Variants in ZNF362 observed in about 807,000 individuals in gnomAD.
ZNF362 encodes rotund homolog.
Under a neutral mutation model 42.9 loss-of-function variants are expected in ZNF362, and 11 were observed. The observed-to-expected ratio is 0.26, with a 90% CI of 0.16 to 0.42. The LOEUF (loss-of-function observed/expected upper bound fraction) is 0.42. Ranked by LOEUF, ZNF362 falls within the 20% of genes least tolerant of loss-of-function variation. ZNF362 has a pLI of 1.00. For synonymous variants in ZNF362, 255 were observed against 257.3 expected (o/e 0.99, Z 0.09); for missense variants, 362 against 576.2 (o/e 0.63, Z 3.81).
the ZNF362 span, among the ~76,000 whole-genome samples, chr1:33,156,590 G>T: frequency 2.6e-4 from 40 of 152,084 alleles, no homozygotes; most frequent in African/African-American, 9.7e-4. Context: ...GGAGTGTTCC[G>T]GGGCTCCTGA....
the ZNF362 span, among the ~76,000 whole-genome samples, chr1:33,241,682 T>C: frequency 6.6e-6 from 1 of 152,024 alleles, no homozygotes; most frequent in Admixed American, 6.6e-5. Context: ...GAAAAAACGA[T>C]CAAATCTCAA....
At chr1:33,136,685 G>C in the ZNF362 span, among the ~76,000 whole-genome samples, 1 of 151,532 alleles carries the variant, frequency 6.6e-6, no homozygotes, top group Non-Finnish European at 1.5e-5. Flanking sequence ...GGCTGTTTCC[G>C]GTTCCCCAAC....
the ZNF362 span, among the ~76,000 whole-genome samples, chr1:33,152,260 A>G: frequency 6.6e-6 from 1 of 152,158 alleles, no homozygotes; most frequent in Non-Finnish European, 1.5e-5. Context: ...TGGCCCCAGA[A>G]AGCCTGTTCA....
chr1:33,278,728 C>T lies in ZNF362; in HGVS notation c.350-1396C>T, dbSNP rs1158981173. Among the ~76,000 whole-genome samples, 8 of 152,150 alleles carry T rather than the reference C, an allele frequency of 5.3e-5. No homozygotes were observed. The East Asian group carries it at 1.5e-3, about 29-fold the overall frequency. On this transcript the variant is annotated intron_variant, in intron 4 of 8. Transcript: ENST00000539719. ...AGTGTGTGTTCTTTAAAATAGATGG[C>T]CTCGTATGTCTGTGATTTGCTTTTT...
chr1:33,208,050 G>A, the ZNF362 span, among the ~76,000 whole-genome samples: 10 of 152,148 alleles, frequency 6.6e-5, no homozygotes, highest in African/African-American at 2.4e-4. Flanking sequence ...GTATTGCCTA[G>A]GTTTTCTTCT....
Position 33,295,026 on chromosome 1 carries a change from G to GC in ZNF362, c.987+13dup. Reference sequence around the variant, plus strand: ...CTCTCCAACCTCCAGGTGAGTGCCTGCCTGCCTCCTGCCCACCAGGTGCTC... The same window carrying GC: ...CTCTCCAACCTCCAGGTGAGTGCCTGCCCTGCCTCCTGCCCACCAGGTGCTC... On this transcript the variant is annotated intron_variant, in intron 7 of 8. Coordinates refer to ENST00000539719, the MANE Select transcript of ZNF362 (RefSeq NM_152493.3). 1 of 1,614,044 alleles carries GC rather than the reference G, an allele frequency of 6.2e-7. No individual in the cohort carries two copies. Among genetic ancestry groups the GC allele is most frequent in the Non-Finnish European group, 8.5e-7 (1 of 1,179,944 alleles).
chr1:33,170,108 T>G, the ZNF362 span, among the ~76,000 whole-genome samples: 1 of 152,118 alleles, frequency 6.6e-6, no homozygotes, highest in Admixed American at 6.6e-5. Context: ...GACCTTTGGA[T>G]CACCTAAGGT....
At chr1:33,285,164 A>C (rs1646022786) in intron 6 of ZNF362, among the ~76,000 whole-genome samples, 1 of 152,222 alleles carries the variant, frequency 6.6e-6, no homozygotes, top group African/African-American at 2.4e-5. Flanking sequence ...CTGTAATCCC[A>C]ACACTTTGGG....
chr1:33,166,219 C>T, the ZNF362 span: 1 of 152,294 alleles, frequency 6.6e-6, no homozygotes, highest in Non-Finnish European at 1.5e-5. Flanking sequence ...CCCACTGATC[C>T]TACATCATGT....
intron 8 of ZNF362, among the ~76,000 whole-genome samples, chr1:33,296,440 G>A (rs1048070760): frequency 3.3e-5 from 5 of 152,150 alleles, no homozygotes; most frequent in Non-Finnish European, 7.4e-5. Context: ...TTTTGTCCCT[G>A]CCACTCCTGG....
the ZNF362 span, among the ~76,000 whole-genome samples, chr1:33,189,667 A>ATATATATATATG: frequency 3.1e-5 from 1 of 32,216 alleles, no homozygotes; most frequent in Admixed American, 4.2e-4. Flanking sequence ...ATATATATAT[A>ATATATATATATG]TATATGTATA....
At chr1:33,191,910 G>C in the ZNF362 span, among the ~76,000 whole-genome samples, 470 of 152,304 alleles carry the variant, frequency 3.1e-3, no homozygotes, top group African/African-American at 0.011. Flanking sequence ...ATCTTGAAGA[G>C]GGCAAGTATC....
the ZNF362 span, among the ~76,000 whole-genome samples, chr1:33,192,857 G>A: frequency 1.3e-5 from 2 of 151,848 alleles, no homozygotes; most frequent in Non-Finnish European, 2.9e-5. Flanking sequence ...AAGTGTATTC[G>A]GGAGTCTTCT....
At chr1:33,251,406 A>C in the ZNF362 span, among the ~76,000 whole-genome samples, 1 of 152,170 alleles carries the variant, frequency 6.6e-6, no homozygotes, top group Non-Finnish European at 1.5e-5. Context: ...GCCAAGGTCC[A>C]AACCATTGCC....
chr1:33,246,639 G>T, the ZNF362 span, among the ~76,000 whole-genome samples: 5 of 152,202 alleles, frequency 3.3e-5, no homozygotes, highest in Non-Finnish European at 7.3e-5. Context: ...CTATTTCTCT[G>T]TTCCTGGTGA....
At chr1:33,145,854 T>G in the ZNF362 span, 1 of 471,068 alleles carries the variant, frequency 2.1e-6, no homozygotes, top group Middle Eastern at 3.2e-4. Context: ...CACCCTAACT[T>G]CCTTCTAGGG....
chr1:33,296,077 G>C (rs932230155), intron 8 of ZNF362, among the ~76,000 whole-genome samples: 1 of 152,218 alleles, frequency 6.6e-6, no homozygotes, highest in Admixed American at 6.5e-5. Flanking sequence ...GGGAAATTAA[G>C]AACTGTTGGA....
chr1:33,290,027 A>T (rs1026160770), intron 6 of ZNF362, among the ~76,000 whole-genome samples: 3 of 152,050 alleles, frequency 2.0e-5, no homozygotes, highest in African/African-American at 7.2e-5. Context: ...TGGATAAAGG[A>T]TTGGAGGTGG....
the ZNF362 span, among the ~76,000 whole-genome samples, chr1:33,238,171 T>C: frequency 6.6e-6 from 1 of 151,392 alleles, no homozygotes; most frequent in African/African-American, 2.4e-5. Context: ...ACAAAAAAAT[T>C]AGCCAGGCGT....
Sources: gnomAD v4.1 joint callset for allele counts (sites outside exome capture counted in the v4.1 genomes callset) on GRCh38, gnomAD v4.1.1 for gene constraint, MANE v1.5 for transcripts, NCBI Gene and HGNC (gene_info 2026-07-23, HGNC 2026-07-21) for gene names.